The following CWC27 variants were observed in gnomAD, a reference collection of about 807,000 sequenced individuals.
CWC27 encodes spliceosome-associated protein CWC27 homolog.
CWC27 carries 47 observed loss-of-function variants against 63.6 expected under a neutral mutation model. That is an observed-to-expected ratio of 0.74 (90% CI 0.58 to 0.94). The LOEUF (loss-of-function observed/expected upper bound fraction) is 0.94. CWC27 is among the 40% of genes least tolerant of loss of function. The pLI is 0.00. For missense variants in CWC27, 495 were observed against 554.3 expected, an observed-to-expected ratio of 0.89 and a Z score of 1.07; for synonymous variants, 175 against 179.8, an observed-to-expected ratio of 0.97 and a Z score of 0.22.
At chr5:64,939,149 G>C (rs1445789845) in intron 11 of CWC27, among the ~76,000 whole-genome samples, 1 of 152,062 alleles carries the variant, frequency 6.6e-6, no homozygotes, top group African/African-American at 2.4e-5. Context: ...TTGTTCCCTT[G>C]CTGGCGAGAA....
chr5:64,788,928 TTTC>T lies in CWC27; in HGVS notation c.600-20_600-18del. 1.3e-6 allele frequency: 2 copies of T among 1,512,228 alleles called. No homozygotes were observed. The highest frequency in any genetic ancestry group is 1.8e-6 in the Non-Finnish European group (2 of 1,110,304). 93.7% of individuals were successfully genotyped at this position (1,512,228 alleles called of 1,614,324 possible). On this transcript the variant is annotated intron_variant, in intron 6 of 13. Transcript: ENST00000381070. ...ATTTGACTTTCTCTTTCTTTTTTTT[TTTC>T]TTTCTTTTTTTTGGACTAGAAATTT...
chr5:64,830,621 C>A (rs564793552), intron 10 of CWC27, among the ~76,000 whole-genome samples: 1 of 152,108 alleles, frequency 6.6e-6, no homozygotes, highest in African/African-American at 2.4e-5. Flanking sequence ...AAAGAAACTA[C>A]CATCAGAGTG....
intron 10 of CWC27, among the ~76,000 whole-genome samples, chr5:64,881,409 A>G (rs1017250469): frequency 6.6e-6 from 1 of 152,024 alleles, no homozygotes; most frequent in African/African-American, 2.4e-5. Context: ...CCCTCTTAAA[A>G]TGATGAACAG....
rs561140837 is a variant in CWC27, at chr5:64,903,532, C to G, written c.1042+17986C>G. On this transcript the variant is annotated intron_variant, in intron 11 of 13. Transcript: ENST00000381070. The stretch of plus-strand genomic sequence containing the variant: ...CACACACAGGGGCCTGTTGGGGGAT[C>G]GGGGCAAGGGGAGGGAGAGCATTAG... 3.2e-3 allele frequency among the ~76,000 whole-genome samples: 438 copies of G among 137,846 alleles called. 5 individuals carry two copies. Among genetic ancestry groups the G allele is most frequent in the African/African-American group, 0.011 (412 of 36,960 alleles). 90.4% of individuals were successfully genotyped at this position (137,846 alleles called of 152,430 possible). A position where few individuals can be genotyped will look rare whatever the true frequency, so the allele number is the denominator to read the frequency against.
intron 11 of CWC27, among the ~76,000 whole-genome samples, chr5:64,966,786 T>C (rs757563282): frequency 1.3e-5 from 2 of 152,172 alleles, no homozygotes; most frequent in Non-Finnish European, 2.9e-5. Flanking sequence ...TTAAATAAGA[T>C]TGTCCATAAG....
At chr5:64,897,590 C>T (rs1404568768) in intron 11 of CWC27, among the ~76,000 whole-genome samples, 1 of 151,972 alleles carries the variant, frequency 6.6e-6, no homozygotes, top group Admixed American at 6.6e-5. Context: ...CAGGGTCGGT[C>T]AGAGATGGGG....
intron 11 of CWC27, among the ~76,000 whole-genome samples, chr5:64,941,331 C>CT (rs1748474830): frequency 6.6e-6 from 1 of 152,152 alleles, no homozygotes; most frequent in Non-Finnish European, 1.5e-5. Flanking sequence ...TACTGGTAGT[C>CT]TAAGTACAGT....
At chr5:64,824,586 C>A (rs975546725) in intron 10 of CWC27, among the ~76,000 whole-genome samples, 3 of 151,630 alleles carry the variant, frequency 2.0e-5, no homozygotes, top group Non-Finnish European at 2.9e-5. Context: ...GGGCTCTACT[C>A]ACCAAGCCTT....
At chr5:64,886,318 G>C (rs1747071750) in intron 11 of CWC27, among the ~76,000 whole-genome samples, 1 of 152,000 alleles carries the variant, frequency 6.6e-6, no homozygotes, top group South Asian at 2.1e-4. Context: ...TCTTTTTACA[G>C]TGATAAATTG....
chr5:64,955,207 C>T (rs1317272980), intron 11 of CWC27, among the ~76,000 whole-genome samples: 1 of 151,996 alleles, frequency 6.6e-6, no homozygotes, highest in African/African-American at 2.4e-5. Context: ...ATAATAATAC[C>T]TCATTTATAT....
At chr5:64,783,745 A>G (rs1743778840) in intron 3 of CWC27, 91 bp from the exon 4 acceptor site, 2 of 1,088,648 alleles carry the variant, frequency 1.8e-6, no homozygotes, top group East Asian at 5.7e-5. Context: ...TTTTTATTAG[A>G]AGTTGTATGG....
intron 11 of CWC27, among the ~76,000 whole-genome samples, chr5:64,916,879 GTAGTAT>G (rs201153005): frequency 1.1e-4 from 15 of 136,614 alleles, no homozygotes; most frequent in South Asian, 2.5e-4. Context: ...GGTGGCAGTA[GTAGTAT>G]TAGTAGTAGT....
chr5:64,910,729 AGGCTCTGTG>A (rs1278672251), intron 11 of CWC27, among the ~76,000 whole-genome samples: 2 of 152,212 alleles, frequency 1.3e-5, no homozygotes, highest in East Asian at 3.9e-4. Flanking sequence ...GCAGTGAGCA[AGGCTCTGTG>A]GGCATGGGAC....
intron 10 of CWC27, among the ~76,000 whole-genome samples, chr5:64,814,158 C>T (rs1181518500): frequency 6.6e-6 from 1 of 151,714 alleles, no homozygotes; most frequent in Non-Finnish European, 1.5e-5. Context: ...CTTCTTCTTC[C>T]AGTGTGGCCC....
At chr5:64,806,344 A>G (rs554853546) in intron 10 of CWC27, among the ~76,000 whole-genome samples, 1 of 152,320 alleles carries the variant, frequency 6.6e-6, no homozygotes, top group African/African-American at 2.4e-5. Context: ...TTAAATAAGA[A>G]GTCTCCAAAG....
At chr5:64,990,241 T>G (rs1257145229) in intron 13 of CWC27, among the ~76,000 whole-genome samples, 2 of 103,676 alleles carry the variant, frequency 1.9e-5, no homozygotes, top group African/African-American at 4.1e-5. Flanking sequence ...TTTTTATTTG[T>G]TTTTTTTTTG....
chr5:64,807,276 T>C (rs1744713785), intron 10 of CWC27, among the ~76,000 whole-genome samples: 4 of 152,218 alleles, frequency 2.6e-5, no homozygotes, highest in Admixed American at 2.6e-4. Context: ...ACATCTGGAA[T>C]CTGTTAAAGC....
intron 10 of CWC27, among the ~76,000 whole-genome samples, chr5:64,820,958 C>G (rs1391809528): frequency 6.7e-6 from 1 of 149,000 alleles, no homozygotes; most frequent in Non-Finnish European, 1.5e-5. Context: ...GTGATAGATG[C>G]TTTTAAGGAG....
At chr5:64,910,570 A>G (rs1472964179) in intron 11 of CWC27, among the ~76,000 whole-genome samples, 1 of 152,230 alleles carries the variant, frequency 6.6e-6, no homozygotes. Context: ...GAGTCTACAG[A>G]GGCAGCAGGC....
Sources: allele counts gnomAD v4.1 joint callset (sites outside exome capture counted in the v4.1 genomes callset), GRCh38; gene constraint gnomAD v4.1.1; transcripts MANE v1.5; gene names NCBI Gene and HGNC (gene_info 2026-07-23, HGNC 2026-07-21).